Variants in EYS observed in about 807,000 individuals in gnomAD.
The protein encoded by EYS is EGF-like photoreceptor maintenance factor.
In EYS, 250 loss-of-function variants were observed where a neutral mutation model predicts 282.1. The observed-to-expected ratio is 0.89, with a 90% CI of 0.80 to 0.98. The LOEUF is 0.98. Ranked by LOEUF, EYS falls within the 50% of genes least tolerant of loss-of-function variation. EYS has a pLI of 0.00. For synonymous variants in EYS, 1,355 were observed against 1,282.9 expected, an observed-to-expected ratio of 1.06 and a Z score of -1.20; for missense variants, 4,016 against 3,709.0, an observed-to-expected ratio of 1.08 and a Z score of -2.15.
At chr6:63,841,660 G>A (rs1294083970) in intron 36 of EYS, among the ~76,000 whole-genome samples, 1 of 152,070 alleles carries the variant, frequency 6.6e-6, no homozygotes, top group Non-Finnish European at 1.5e-5. Flanking sequence ...TGCAGAACGT[G>A]CAGGCTTGTT....
At chr6:65,091,335 A>C (rs1337440227) in intron 12 of EYS, among the ~76,000 whole-genome samples, 1 of 150,428 alleles carries the variant, frequency 6.6e-6, no homozygotes, top group African/African-American at 2.4e-5. Flanking sequence ...CTGTAATCCC[A>C]GCTACTCAGG....
chr6:64,134,375 T>A (rs1046482705), intron 31 of EYS, among the ~76,000 whole-genome samples: 2 of 147,622 alleles, frequency 1.4e-5, no homozygotes, highest in Non-Finnish European at 3.0e-5. Flanking sequence ...GAGATAGATG[T>A]TTTTAGCAAA....
chr6:64,289,685 C>G (rs1403647710), intron 30 of EYS, among the ~76,000 whole-genome samples: 1 of 151,920 alleles, frequency 6.6e-6, no homozygotes, highest in Non-Finnish European at 1.5e-5. Context: ...GTCTTTATAT[C>G]TCAGTACCTA....
chr6:65,271,313 A>G (rs1340623679), intron 12 of EYS, among the ~76,000 whole-genome samples: 3 of 151,334 alleles, frequency 2.0e-5, no homozygotes, highest in Non-Finnish European at 2.9e-5. Context: ...TGAAGGCATG[A>G]GAACCAGAAG....
chr6:64,795,128 A>T (rs549444398), intron 22 of EYS, among the ~76,000 whole-genome samples: 74 of 152,072 alleles, frequency 4.9e-4, no homozygotes, highest in Middle Eastern at 6.8e-3. Context: ...CTAGCTACTC[A>T]TAAGGCTGAG....
intron 35 of EYS, among the ~76,000 whole-genome samples, chr6:63,938,108 T>G (rs1407669957): frequency 6.6e-6 from 1 of 152,156 alleles, no homozygotes; most frequent in Non-Finnish European, 1.5e-5. Flanking sequence ...ACCAATAAAA[T>G]TAGATTTCTG....
intron 1 of EYS, among the ~76,000 whole-genome samples, chr6:65,646,868 C>T (rs1431158898): frequency 6.6e-6 from 1 of 152,078 alleles, no homozygotes; most frequent in Non-Finnish European, 1.5e-5. Flanking sequence ...TTGCTATACA[C>T]CAGCAGCGAC....
At chr6:64,436,020 A>G (rs2150463717) in intron 28 of EYS, among the ~76,000 whole-genome samples, 154 bp downstream of exon 28, 1 of 152,026 alleles carries the variant, frequency 6.6e-6, no homozygotes, top group Admixed American at 6.6e-5. Context: ...CATTTTTTAG[A>G]ATATATAGAA....
rs187090688 is a variant in EYS at position 64,359,218 on chromosome 6, A to G, written c.6078+29472T>C. On this transcript the variant is annotated intron_variant, in intron 29 of 42. Coordinates refer to ENST00000503581, the MANE Select transcript of EYS (RefSeq NM_001142800.2). ...CTGTTGCCAAAAAAATAGAAAAGATAATATAAGATTTAAAATGTTCCAATT... is the reference window on the plus strand; with the variant it reads ...CTGTTGCCAAAAAAATAGAAAAGATGATATAAGATTTAAAATGTTCCAATT... Among the ~76,000 whole-genome samples the G allele has an allele frequency of 1.8e-3, 272 of 151,886 alleles. 1 individual carries two copies. Among genetic ancestry groups the G allele is most frequent in the South Asian group, 1.4e-3 (7 of 4,828 alleles).
chr6:63,744,256 A>C (rs1032291897), intron 41 of EYS: 1 of 152,066 alleles, frequency 6.6e-6, no homozygotes, highest in Non-Finnish European at 1.5e-5. Context: ...ATACCTCATT[A>C]TTTTTTACAC....
intron 16 of EYS, among the ~76,000 whole-genome samples, chr6:64,908,724 C>A (rs1301017368): frequency 6.6e-6 from 1 of 152,088 alleles, no homozygotes; most frequent in Non-Finnish European, 1.5e-5. Flanking sequence ...CTTCTACTGA[C>A]TGAGTCTGGG....
chr6:65,124,016 CAG>C (rs1775645579), intron 12 of EYS, among the ~76,000 whole-genome samples: 1 of 151,862 alleles, frequency 6.6e-6, no homozygotes, highest in African/African-American at 2.4e-5. Flanking sequence ...CTCTACGAAA[CAG>C]ACAAAAATTG....
chr6:65,214,782 T>C (rs1209422959), intron 12 of EYS, among the ~76,000 whole-genome samples: 2 of 152,218 alleles, frequency 1.3e-5, no homozygotes, highest in African/African-American at 4.8e-5. Flanking sequence ...ATGCAGCTGA[T>C]GACTAAATTG....
At chr6:64,427,785 T>C (rs1341598184) in intron 28 of EYS, among the ~76,000 whole-genome samples, 2 of 152,064 alleles carry the variant, frequency 1.3e-5, no homozygotes, top group Non-Finnish European at 2.9e-5. Context: ...AACTTTTCAT[T>C]AATAGAAAAA....
At chr6:64,695,021 T>A (rs9360028) in intron 22 of EYS, among the ~76,000 whole-genome samples, 2 of 151,316 alleles carry the variant, frequency 1.3e-5, no homozygotes, top group Admixed American at 1.3e-4. Flanking sequence ...GCATCTTTGG[T>A]TCATCAGTAG....
intron 14 of EYS, among the ~76,000 whole-genome samples, chr6:64,957,398 A>G (rs9360101): frequency 0.067 from 10,221 of 152,134 alleles, 437 homozygotes; most frequent in East Asian, 0.13. Flanking sequence ...TCATGGACAC[A>G]GAGAGTAGAA....
rs371465286 is a variant in EYS, at chr6:64,467,006, C to A, written c.5645-27654G>T. 4.7e-4 allele frequency among the ~76,000 whole-genome samples: 72 copies of A among 152,130 alleles called. No individual in the cohort carries two copies. In the South Asian group the frequency reaches 0.014, roughly 30 times the overall value. On this transcript the variant is annotated intron_variant, in intron 26 of 42. Transcript: ENST00000503581. ...CTTATAACTGACAGAAGATAGGTAT[C>A]CAAAGTTCACTACAAACAGACAAAC...
intron 2 of EYS, among the ~76,000 whole-genome samples, chr6:65,571,250 C>A (rs1764468435): frequency 6.6e-6 from 1 of 151,920 alleles, no homozygotes; most frequent in African/African-American, 2.4e-5. Context: ...TAAATACCAT[C>A]TTCAGCTAAA....
chr6:64,579,613 C>A (rs1765996655), intron 26 of EYS, among the ~76,000 whole-genome samples: 1 of 152,046 alleles, frequency 6.6e-6, no homozygotes, highest in East Asian at 1.9e-4. Context: ...TTATAAATGT[C>A]CTCCACAAGC....
Sources: gnomAD v4.1 joint callset for allele counts (sites outside exome capture counted in the v4.1 genomes callset) on GRCh38, gnomAD v4.1.1 for gene constraint, MANE v1.5 for transcripts, NCBI Gene and HGNC (gene_info 2026-07-23, HGNC 2026-07-21) for gene names.